MAPK6: variants seen among roughly 807,000 people sequenced by gnomAD.
MAPK6 encodes the protein mitogen-activated protein kinase 6.
MAPK6 carries 19 observed loss-of-function variants against 59.3 expected under a neutral mutation model. That is an observed-to-expected ratio of 0.32 (90% CI 0.22 to 0.47). The LOEUF (loss-of-function observed/expected upper bound fraction) is 0.47. Among genes scored for constraint, MAPK6 ranks in the 20% least tolerant of loss-of-function variants. The pLI, the probability that MAPK6 is intolerant of heterozygous loss-of-function variation, is 1.00. For missense variants in MAPK6, 724 were observed against 847.9 expected (o/e 0.85, Z 1.81); for synonymous variants, 316 against 290.3 (o/e 1.09, Z -0.90).
intron 1 of MAPK6, among the ~76,000 whole-genome samples, chr15:52,023,024 T>A (rs2030597664): frequency 6.8e-6 from 1 of 148,056 alleles, no homozygotes; most frequent in South Asian, 2.1e-4. Flanking sequence ...GGAGAATCGC[T>A]TGAACCCGGG....
At chr15:52,034,748 A>G (rs1028371481) in intron 1 of MAPK6, among the ~76,000 whole-genome samples, 1 of 151,852 alleles carries the variant, frequency 6.6e-6, no homozygotes, top group African/African-American at 2.4e-5. Flanking sequence ...CCCAGGCTGG[A>G]GTGCAGTGGT....
At chr15:51,998,519 T>TTA (rs1269673059) in intron 2 of MAPK6, among the ~76,000 whole-genome samples, 1 of 146,094 alleles carries the variant, frequency 6.8e-6, no homozygotes, top group African/African-American at 2.6e-5. Context: ...TTTTTTTTTT[T>TTA]CTCCCCTCTC....
At position 52,065,142 on chromosome 15, in the gene MAPK6, A is replaced by G. The variant is rs941246783; in HGVS notation, c.*142A>G. 1 of 755,066 alleles carries G rather than the reference A, an allele frequency of 1.3e-6. No individual in the cohort carries two copies. Among genetic ancestry groups the G allele is most frequent in the Non-Finnish European group, 2.0e-6 (1 of 507,952 alleles). The allele number at this position is 755,066 out of a possible 1,614,324, so 46.8% of individuals were successfully genotyped here. A position where few individuals can be genotyped will look rare whatever the true frequency, so the allele number is the denominator to read the frequency against. On this transcript the variant is annotated 3_prime_UTR_variant, in exon 6 of 6. Transcript: ENST00000261845. Reference sequence around the variant, plus strand: ...TATGAGTTCTTGTTTTTTAAAATCCAGACTTTCTTTTTCTACATGTGAGAT... The same window carrying G: ...TATGAGTTCTTGTTTTTTAAAATCCGGACTTTCTTTTTCTACATGTGAGAT...
intron 1 of MAPK6, among the ~76,000 whole-genome samples, chr15:52,022,925 T>C (rs113791279): frequency 6.6e-6 from 1 of 151,736 alleles, no homozygotes; most frequent in African/African-American, 2.4e-5. Flanking sequence ...CTGGCCAACA[T>C]GGTGAAACCC....
intron 3 of MAPK6, among the ~76,000 whole-genome samples, chr15:52,008,870 A>C (rs2029979810): frequency 6.6e-6 from 1 of 152,188 alleles, no homozygotes; most frequent in Admixed American, 6.5e-5. Context: ...ATGAATGCAG[A>C]TAAAGACTCC....
intron 2 of MAPK6, among the ~76,000 whole-genome samples, chr15:52,002,138 C>T (rs1213556975): frequency 6.6e-6 from 1 of 152,168 alleles, no homozygotes; most frequent in Non-Finnish European, 1.5e-5. Context: ...TTTACTCTCT[C>T]GGCCTTTTGG....
intron 1 of MAPK6, among the ~76,000 whole-genome samples, chr15:52,030,611 C>CTTTTTTTTTTTTTTTTTTTTTTTTTT (rs11295636): frequency 2.8e-5 from 1 of 35,712 alleles, no homozygotes; most frequent in Admixed American, 5.1e-4. Context: ...CAGAAGAAGG[C>CTTTTTTTTTTTTTTTTTTTTTTTTTT]TTTTTTTTTT....
intron 4 of MAPK6, among the ~76,000 whole-genome samples, chr15:52,060,881 ATATC>A (rs1376165911): frequency 2.6e-5 from 4 of 152,212 alleles, no homozygotes; most frequent in African/African-American, 9.6e-5. Context: ...ACCTTATGAA[ATATC>A]TATGTCTACT....
upstream of MAPK6, among the ~76,000 whole-genome samples, chr15:52,016,995 G>A (rs1595971742): frequency 6.6e-6 from 1 of 152,270 alleles, no homozygotes; most frequent in East Asian, 1.9e-4. Context: ...AGGTTGCAGT[G>A]AGCCAAGATT....
At chr15:51,981,289 C>T (rs1028710425) in intron 1 of MAPK6, among the ~76,000 whole-genome samples, 4 of 151,604 alleles carry the variant, frequency 2.6e-5, no homozygotes, top group African/African-American at 7.3e-5. Flanking sequence ...CTGGCTAACA[C>T]GGTGAAACCC....
intron 1 of MAPK6, among the ~76,000 whole-genome samples, chr15:52,030,456 A>G (rs2030984076): frequency 6.6e-6 from 1 of 152,120 alleles, no homozygotes; most frequent in South Asian, 2.1e-4. Flanking sequence ...CATTGTACCC[A>G]GTGTAACGTG....
chr15:51,998,475 G>C (rs2057232085), intron 2 of MAPK6, among the ~76,000 whole-genome samples: 1 of 149,240 alleles, frequency 6.7e-6, no homozygotes, highest in African/African-American at 2.5e-5. Context: ...AAAGTGCTGG[G>C]ATTACAGGCA....
chr15:52,008,902 G>C lies in MAPK6; in HGVS notation c.-632+4500G>C, dbSNP rs546473474. 1.6e-4 allele frequency among the ~76,000 whole-genome samples: 24 copies of C among 152,252 alleles called. No individual in the cohort carries two copies. In the South Asian group the frequency reaches 4.8e-3, roughly 30 times the overall value. ...CTCCAGAGGTGGTTATCAGTTTCTG[G>C]GGATGATGACATCTTCTGGGAAGGG... On this transcript the variant is annotated intron_variant, in intron 3 of 7. Transcript: ENST00000691380.
chr15:51,985,850 C>T (rs1304821613), intron 2 of MAPK6, among the ~76,000 whole-genome samples: 1 of 151,628 alleles, frequency 6.6e-6, no homozygotes, highest in Non-Finnish European at 1.5e-5. Flanking sequence ...CCCAGCTACT[C>T]GGGAGGCTGA....
chr15:52,030,937 A>G (rs555407333), intron 1 of MAPK6, among the ~76,000 whole-genome samples: 1 of 151,478 alleles, frequency 6.6e-6, no homozygotes, highest in Non-Finnish European at 1.5e-5. Context: ...GATTACAGGC[A>G]TGTGCCACCA....
intron 2 of MAPK6, among the ~76,000 whole-genome samples, chr15:51,995,327 A>C (rs573614990): frequency 6.6e-6 from 1 of 152,300 alleles, no homozygotes; most frequent in African/African-American, 2.4e-5. Context: ...GACTGTTCCC[A>C]AAAGGGCATG....
intron 1 of MAPK6, among the ~76,000 whole-genome samples, chr15:51,978,667 AAAAAC>A (rs138495955): frequency 0.02 from 3,054 of 151,886 alleles, 99 homozygotes; most frequent in East Asian, 0.074. Flanking sequence ...ACCCCATTAA[AAAAAC>A]AAAACAAGAA....
chr15:52,059,062 G>A (rs2032095427), intron 4 of MAPK6, among the ~76,000 whole-genome samples: 1 of 152,192 alleles, frequency 6.6e-6, no homozygotes, highest in Non-Finnish European at 1.5e-5. Context: ...ACAAAATCAT[G>A]ATGGCATTTT....
chr15:51,988,426 T>C (rs1378207322), intron 2 of MAPK6, among the ~76,000 whole-genome samples: 1 of 152,096 alleles, frequency 6.6e-6, no homozygotes, highest in African/African-American at 2.4e-5. Context: ...TACTGCAAAC[T>C]CGGTGGCTTT....
Sources: allele counts gnomAD v4.1 joint callset (sites outside exome capture counted in the v4.1 genomes callset), GRCh38; gene constraint gnomAD v4.1.1; transcripts MANE v1.5; gene names NCBI Gene and HGNC (gene_info 2026-07-23, HGNC 2026-07-21).